The following DPYSL5 variants were observed in gnomAD, a reference collection of about 807,000 sequenced individuals.
The protein encoded by DPYSL5 is dihydropyrimidinase like 5.
A neutral mutation model predicts 58.4 loss-of-function variants in DPYSL5; 9 were observed. The observed-to-expected ratio is 0.15, with a 90% CI of 0.09 to 0.27. The LOEUF (loss-of-function observed/expected upper bound fraction) is 0.27, where lower values mean the gene tolerates loss of function less well. Ranked by LOEUF, DPYSL5 falls within the 10% of genes least tolerant of loss-of-function variation. DPYSL5 has a pLI of 1.00. For synonymous variants in DPYSL5, 293 were observed against 301.9 expected (o/e 0.97, Z 0.31); for missense variants, 499 against 770.6 (o/e 0.65, Z 4.17).
intron 8 of DPYSL5, among the ~76,000 whole-genome samples, chr2:26,937,088 C>T (rs1418593362): frequency 1.3e-5 from 2 of 152,002 alleles, no homozygotes; most frequent in African/African-American, 2.4e-5. Context: ...AACACCCCTG[C>T]TTGCTACAAG....
chr2:26,922,662 A>G (rs1395459162), intron 2 of DPYSL5, among the ~76,000 whole-genome samples: 1 of 152,212 alleles, frequency 6.6e-6, no homozygotes, highest in Non-Finnish European at 1.5e-5. Flanking sequence ...AAATGAAACA[A>G]TTTAGTGTGT....
intron 1 of DPYSL5, among the ~76,000 whole-genome samples, chr2:26,852,820 T>G (rs1182589953): frequency 6.6e-6 from 1 of 152,222 alleles, no homozygotes; most frequent in East Asian, 1.9e-4. Context: ...TCTGGGGTTG[T>G]TCTGAGGCTT....
rs1291752230 is a variant in DPYSL5 at position 26,941,929 on chromosome 2, A to T, written c.1090-21A>T. 5 of 1,613,782 alleles carry T rather than the reference A, an allele frequency of 3.1e-6. No individual in the cohort carries two copies. The African/African-American group carries it at 6.7e-5, about 22-fold the overall frequency. Reference sequence around the variant, plus strand: ...CCACCCCCAGAGCCTGGTTGACTTGACACTTTCTGCAACATTTCAGGTTGG... The same window carrying T: ...CCACCCCCAGAGCCTGGTTGACTTGTCACTTTCTGCAACATTTCAGGTTGG... On this transcript the variant is annotated intron_variant, in intron 9 of 12. Transcript: ENST00000288699.
rs1664868326 is a variant in DPYSL5 at position 26,927,972 on chromosome 2, C to T, written c.601-283C>T. Reference sequence around the variant, plus strand: ...TTTGAAATCAGTAAAGAGTGCTTGTCTTTGGTGTCCCAGGCCTGTTGCTAG... The same window carrying T: ...TTTGAAATCAGTAAAGAGTGCTTGTTTTTGGTGTCCCAGGCCTGTTGCTAG... On this transcript the variant is annotated intron_variant, in intron 4 of 12. Transcript: ENST00000288699. The surrounding 1 kb of genome is among the most constrained non-coding windows in gnomAD (Gnocchi z 4.3). 6.6e-6 allele frequency among the ~76,000 whole-genome samples: 1 copy of T among 152,174 alleles called. No individual in the cohort carries two copies. Among genetic ancestry groups the T allele is most frequent in the African/African-American group, 2.4e-5 (1 of 41,446 alleles).
Position 26,942,433 on chromosome 2 carries a change from G to A in DPYSL5, c.1233-110G>A. On this transcript the variant is annotated intron_variant, in intron 10 of 12. Coordinates refer to ENST00000288699, the MANE Select transcript of DPYSL5 (RefSeq NM_020134.4). This position sits in a 1 kb window ranked among gnomAD's most constrained non-coding sequence, Gnocchi z 5.9. ...AACTTCAGCAGAAGAATTTTGAAGG[G>A]AGCCAATTCAACCCATAACAACCAG... 8.8e-6 allele frequency: 11 copies of A among 1,247,946 alleles called. No homozygotes were observed. The highest frequency in any genetic ancestry group is 1.5e-5 in the African/African-American group (1 of 66,620). The allele number at this position is 1,247,946 out of a possible 1,614,324, so 77.3% of individuals were successfully genotyped here. A position where few individuals can be genotyped will look rare whatever the true frequency, so the allele number is the denominator to read the frequency against.
chr2:26,890,397 C>T (rs368336870), intron 1 of DPYSL5, among the ~76,000 whole-genome samples: 2 of 152,204 alleles, frequency 1.3e-5, no homozygotes, highest in Non-Finnish European at 2.9e-5. Context: ...TCCAAAAGCA[C>T]CCTGGGTAGG....
rs546356693 is a variant in DPYSL5, at chr2:26,949,878, C to T, written c.*2883C>T. The T allele has an allele frequency of 1.3e-5, 2 of 152,676 alleles. No individual in the cohort carries two copies. The highest frequency in any genetic ancestry group is 3.9e-4 in the East Asian group (2 of 5,190). 9.5% of individuals were successfully genotyped at this position (152,676 alleles called of 1,614,324 possible). ...TGGCTCCTGGTTGGAACGAAAGGGT[C>T]TCTGGTTGCACTGAATGCAGCTCTC... On this transcript the variant is annotated 3_prime_UTR_variant, in exon 13 of 13. Transcript: ENST00000288699.
Position 26,924,920 on chromosome 2 carries a change from G to A in DPYSL5, c.295G>A (p.Gly99Ser), listed in dbSNP as rs752360828. Residue 99 changes from glycine (G) to serine (S), a missense_variant, in exon 3 of 13, where the codon GGC (glycine) becomes AGC (serine). Transcript: ENST00000288699. The surrounding 1 kb of genome is among the most constrained non-coding windows in gnomAD (Gnocchi z 4.7). ...ALVGGTTMII[G>S]HVLPDKETSL... ...CGTCGGAGGCACCACCATGATCATC[G>A]GCCACGTCCTGCCCGACAAGGAGAC... 18 of 1,613,918 alleles carry A rather than the reference G, an allele frequency of 1.1e-5. No homozygotes were observed. The highest frequency in any genetic ancestry group is 1.6e-4 in the Middle Eastern group (1 of 6,082).
At position 26,925,929 on chromosome 2, in the gene DPYSL5, C is replaced by T. The variant is rs1664819452; in HGVS notation, c.420+884C>T. ...TTTACCAACTCAGGAACTGCCTCTT[C>T]ATTTTCCGTCAAAAACCCACTTGTA... On this transcript the variant is annotated intron_variant, in intron 3 of 12. Coordinates refer to ENST00000288699, the MANE Select transcript of DPYSL5 (RefSeq NM_020134.4). This position sits in a 1 kb window ranked among gnomAD's most constrained non-coding sequence, Gnocchi z 4.5. 2.0e-5 allele frequency among the ~76,000 whole-genome samples: 3 copies of T among 152,216 alleles called. No homozygotes were observed. The highest frequency in any genetic ancestry group is 4.4e-5 in the Non-Finnish European group (3 of 68,038).
At chr2:26,904,553 G>T (rs752705054) in intron 2 of DPYSL5, among the ~76,000 whole-genome samples, 1 of 152,124 alleles carries the variant, frequency 6.6e-6, no homozygotes, top group Non-Finnish European at 1.5e-5. Context: ...GAGAAGTTGG[G>T]TGACACCTTA....
chr2:26,912,672 G>T (rs1465950133), intron 2 of DPYSL5, among the ~76,000 whole-genome samples: 1 of 152,240 alleles, frequency 6.6e-6, no homozygotes, highest in East Asian at 1.9e-4. Context: ...TCGGGAGCCA[G>T]CCGGCTCCGT....
intron 9 of DPYSL5, among the ~76,000 whole-genome samples, chr2:26,941,235 G>A (rs900220687): frequency 4.6e-5 from 7 of 152,080 alleles, no homozygotes; most frequent in Non-Finnish European, 5.9e-5. Context: ...ACTGCACCCG[G>A]CCTCTGATTA....
intron 1 of DPYSL5, among the ~76,000 whole-genome samples, chr2:26,852,326 C>T (rs114506359): frequency 5.3e-5 from 8 of 152,254 alleles, no homozygotes; most frequent in Non-Finnish European, 8.8e-5. Flanking sequence ...ATTTCAAAAT[C>T]GCTTTGCCTT....
chr2:26,883,079 A>T (rs918826952), intron 1 of DPYSL5, among the ~76,000 whole-genome samples: 21 of 152,076 alleles, frequency 1.4e-4, no homozygotes, highest in Middle Eastern at 3.2e-3. Context: ...ATGTTTTTTT[A>T]AAGTTTTAAA....
intron 1 of DPYSL5, among the ~76,000 whole-genome samples, chr2:26,860,347 G>A (rs1000380566): frequency 4.6e-5 from 7 of 152,196 alleles, no homozygotes; most frequent in African/African-American, 1.7e-4. Flanking sequence ...CCCCTCCTGT[G>A]TCTGTCAAAT....
chr2:26,941,991 C>G lies in DPYSL5; in HGVS notation c.1131C>G (p.Thr377=), dbSNP rs1251478507. Residue 377 remains threonine (T), a synonymous_variant, in exon 10 of 13, where the codon ACC becomes ACG. Coordinates refer to ENST00000288699, the MANE Select transcript of DPYSL5 (RefSeq NM_020134.4). ...ATGAGAACCGTTTTGTGGCCGTTAC[C>G]AGTTCCAACGCAGCTAAGCTTCTGA... ...KMDENRFVAV[T]SSNAAKLLNL... 1 of 1,614,206 alleles carries G rather than the reference C, an allele frequency of 6.2e-7. No homozygotes were observed.
chr2:26,888,279 GTCTT>G (rs1438222892), intron 1 of DPYSL5, among the ~76,000 whole-genome samples: 4 of 84,942 alleles, frequency 4.7e-5, no homozygotes, highest in Admixed American at 3.6e-4. Context: ...CTTTCTTTCT[GTCTT>G]TCTTTCTTTC....
In DPYSL5 at chr2:26,925,191, G is replaced by A; in HGVS notation, c.420+146G>A. On this transcript the variant is annotated intron_variant, in intron 3 of 12. Transcript: ENST00000288699. This position sits in a 1 kb window ranked among gnomAD's most constrained non-coding sequence, Gnocchi z 4.5. ...CACAATGCCAAAAGAAAACACACTTGGGATTCCATAAGGGGAGCGGATGGG... is the reference window on the plus strand; with the variant it reads ...CACAATGCCAAAAGAAAACACACTTAGGATTCCATAAGGGGAGCGGATGGG... The A allele has an allele frequency of 8.9e-7, 1 of 1,126,286 alleles. No individual in the cohort carries two copies. The highest frequency in any genetic ancestry group is 1.2e-6 in the Non-Finnish European group (1 of 812,414). 69.8% of individuals were successfully genotyped at this position (1,126,286 alleles called of 1,614,324 possible).
In DPYSL5 at chr2:26,948,103, A is replaced by ACG. The variant is rs1353169546; in HGVS notation, c.*1109_*1110insGC. ...CACACACACACACACACACACACAC[A>ACG]CACACACGCACGGCTTCCTATAACT... On this transcript the variant is annotated 3_prime_UTR_variant, in exon 13 of 13. Coordinates refer to ENST00000288699, the MANE Select transcript of DPYSL5 (RefSeq NM_020134.4). 1.9e-5 allele frequency: 3 copies of ACG among 155,620 alleles called. No individual in the cohort carries two copies. Among genetic ancestry groups the ACG allele is most frequent in the Non-Finnish European group, 4.2e-5 (3 of 71,244 alleles). 9.6% of individuals were successfully genotyped at this position (155,620 alleles called of 1,614,324 possible). A position where few individuals can be genotyped will look rare whatever the true frequency, so the allele number is the denominator to read the frequency against.
Sources: gnomAD v4.1 joint callset for allele counts (sites outside exome capture counted in the v4.1 genomes callset) on GRCh38, gnomAD v4.1.1 for gene constraint, Gnocchi (gnomAD v3.1) non-coding constraint, MANE v1.5 for transcripts, NCBI Gene and HGNC (gene_info 2026-07-23, HGNC 2026-07-21) for gene names.